Variants in ASTN2 observed in about 807,000 individuals in gnomAD.
The protein encoded by ASTN2 is astrotactin-2.
In ASTN2, 54 loss-of-function variants were observed where a neutral mutation model predicts 139.8. The observed-to-expected ratio is 0.39, with a 90% CI of 0.31 to 0.48. The LOEUF (loss-of-function observed/expected upper bound fraction) is 0.48. ASTN2 is among the 20% of genes least tolerant of loss of function. ASTN2 has a pLI of 0.95. For synonymous variants in ASTN2, 756 were observed against 719.5 expected, an observed-to-expected ratio of 1.05 and a Z score of -0.81; for missense variants, 1,565 against 1,725.1, an observed-to-expected ratio of 0.91 and a Z score of 1.64.
At chr9:116,945,593 T>G (rs1315865651) in intron 10 of ASTN2, among the ~76,000 whole-genome samples, 1 of 152,154 alleles carries the variant, frequency 6.6e-6, no homozygotes, top group Non-Finnish European at 1.5e-5. Flanking sequence ...TTTCATTCTC[T>G]TTATGTTTCT....
chr9:117,210,435 A>G (rs1160455007), intron 3 of ASTN2, among the ~76,000 whole-genome samples: 1 of 152,144 alleles, frequency 6.6e-6, no homozygotes, highest in Non-Finnish European at 1.5e-5. Context: ...GAACAGCTAT[A>G]GGTCAATAAA....
At chr9:117,264,870 T>C (rs1203814916) in intron 2 of ASTN2, among the ~76,000 whole-genome samples, 1 of 152,138 alleles carries the variant, frequency 6.6e-6, no homozygotes, top group Non-Finnish European at 1.5e-5. Flanking sequence ...ACACACATAG[T>C]GGAGGAATGA....
At chr9:117,081,899 AAG>A (rs1828438606) in intron 5 of ASTN2, among the ~76,000 whole-genome samples, 1 of 152,198 alleles carries the variant, frequency 6.6e-6, no homozygotes, top group Non-Finnish European at 1.5e-5. Flanking sequence ...ATAAGCTTGG[AAG>A]AGGATTCTAC....
intron 13 of ASTN2, among the ~76,000 whole-genome samples, chr9:116,736,971 T>A (rs899713308): frequency 1.3e-5 from 2 of 152,140 alleles, no homozygotes; most frequent in Non-Finnish European, 2.9e-5. Flanking sequence ...GGCAGGGGCC[T>A]GGCTCAGGAC....
chr9:116,598,895 T>G (rs2131749830), intron 19 of ASTN2, among the ~76,000 whole-genome samples: 1 of 152,308 alleles, frequency 6.6e-6, no homozygotes, highest in African/African-American at 2.4e-5. Context: ...TGGAAGCTAT[T>G]TTTATGAGGC....
At chr9:116,700,535 C>T (rs1228863277) in intron 16 of ASTN2, 1 of 167,124 alleles carries the variant, frequency 6.0e-6, no homozygotes, top group East Asian at 1.9e-4. Context: ...TTTCATACTA[C>T]CTCTCTCTTC....
intron 19 of ASTN2, among the ~76,000 whole-genome samples, chr9:116,592,078 C>T (rs1168827088): frequency 6.6e-6 from 1 of 152,098 alleles, no homozygotes; most frequent in Non-Finnish European, 1.5e-5. Flanking sequence ...ATAGCCTATG[C>T]ACATCCTCCC....
chr9:116,956,094 C>CTTTTTTTTTTTT (rs71379245), intron 10 of ASTN2, among the ~76,000 whole-genome samples: 99 of 119,088 alleles, frequency 8.3e-4, no homozygotes, highest in South Asian at 1.4e-3. Flanking sequence ...TTTTTCTTTT[C>CTTTTTTTTTTTT]TTTTTTTTTT....
rs1357715102 is a variant in ASTN2, at chr9:117,171,830, T to C, written c.1016-30352A>G. Among the ~76,000 whole-genome samples the C allele has an allele frequency of 2.0e-5, 3 of 152,130 alleles. No homozygotes were observed. In the East Asian group the frequency reaches 5.8e-4, roughly 29 times the overall value. On this transcript the variant is annotated intron_variant, in intron 3 of 22. Transcript: ENST00000313400. Reference sequence around the variant, plus strand: ...TCTTTCCTTTATAAATTACCGAGCCTTGGGCACTTTTTATAGCAGTGTGAA... The same window carrying C: ...TCTTTCCTTTATAAATTACCGAGCCCTGGGCACTTTTTATAGCAGTGTGAA...
At chr9:117,192,094 A>G (rs780994455) in intron 3 of ASTN2, among the ~76,000 whole-genome samples, 15 of 58,724 alleles carry the variant, frequency 2.6e-4, no homozygotes, top group Non-Finnish European at 4.6e-4. Context: ...ATCTCTGTCT[A>G]TATCTTATTT....
chr9:116,708,748 T>G (rs1828062388), intron 16 of ASTN2, among the ~76,000 whole-genome samples: 1 of 152,208 alleles, frequency 6.6e-6, no homozygotes, highest in East Asian at 1.9e-4. Context: ...CATTCGCAAT[T>G]TTTTTAAAAG....
At chr9:116,733,269 A>G (rs1420129067) in intron 14 of ASTN2, 130 bp downstream of exon 14, 38 of 1,309,468 alleles carry the variant, frequency 2.9e-5, no homozygotes, top group Non-Finnish European at 3.7e-5. Flanking sequence ...GTTCCTTCCC[A>G]TACCCTTCCT....
intron 11 of ASTN2, among the ~76,000 whole-genome samples, chr9:116,846,354 C>G (rs1832431081): frequency 6.6e-6 from 1 of 152,096 alleles, no homozygotes; most frequent in South Asian, 2.1e-4. Flanking sequence ...TTATGCATAT[C>G]TTATCACAAT....
chr9:117,044,671 A>G (rs945487211), intron 5 of ASTN2, among the ~76,000 whole-genome samples: 1 of 152,194 alleles, frequency 6.6e-6, no homozygotes, highest in African/African-American at 2.4e-5. Context: ...CCACTTGCTG[A>G]GTGATTACTA....
chr9:117,384,427 A>G (rs1031584140), intron 1 of ASTN2, among the ~76,000 whole-genome samples: 1 of 152,200 alleles, frequency 6.6e-6, no homozygotes, highest in Non-Finnish European at 1.5e-5. Context: ...CTTCACTCCA[A>G]TGTTAGTTTT....
At chr9:116,986,440 A>C (rs193260135) in intron 7 of ASTN2, among the ~76,000 whole-genome samples, 1 of 152,158 alleles carries the variant, frequency 6.6e-6, no homozygotes, top group Non-Finnish European at 1.5e-5. Flanking sequence ...CTTGGAGGAA[A>C]ATACATCACT....
chr9:116,588,396 G>C (rs1280805975), intron 19 of ASTN2, among the ~76,000 whole-genome samples: 2 of 152,178 alleles, frequency 1.3e-5, no homozygotes, highest in Non-Finnish European at 1.5e-5. Context: ...GGAACCGATA[G>C]TCTGTTTATT....
rs1056818512 is a variant in ASTN2, at chr9:116,425,944, C to A, written c.3927G>T (p.Val1309=). The change falls in exon 23 of 23, where the codon GTG becomes GTT. Residue 1309 remains valine (V), a synonymous_variant. Coordinates refer to ENST00000313400, the MANE Select transcript of ASTN2 (RefSeq NM_001365068.1). ...TGGTGTCCTTGAGGATGCTATACCACACCATGCCTGCAGGCCGGACCTCCT... is the reference window on the plus strand; with the variant it reads ...TGGTGTCCTTGAGGATGCTATACCAAACCATGCCTGCAGGCCGGACCTCCT... ...RSEEVRPAGM[V]WYSILKDTKI... The A allele has an allele frequency of 1.9e-6, 3 of 1,614,202 alleles. No individual in the cohort carries two copies. The highest frequency in any genetic ancestry group is 2.5e-6 in the Non-Finnish European group (3 of 1,180,044).
At chr9:116,643,811 C>T (rs1419310784) in intron 17 of ASTN2, among the ~76,000 whole-genome samples, 1 of 152,210 alleles carries the variant, frequency 6.6e-6, no homozygotes, top group Non-Finnish European at 1.5e-5. Flanking sequence ...CAGATTCTCC[C>T]TCTCAGAGTT....
Sources: allele counts gnomAD v4.1 joint callset (sites outside exome capture counted in the v4.1 genomes callset), GRCh38; gene constraint gnomAD v4.1.1; transcripts MANE v1.5; gene names NCBI Gene and HGNC (gene_info 2026-07-23, HGNC 2026-07-21).